The following ST6GALNAC3 variants were observed in gnomAD, a reference collection of about 807,000 sequenced individuals.
ST6GALNAC3 encodes the protein ST6 N-acetylgalactosaminide alpha-2,6-sialyltransferase 3.
In ST6GALNAC3, 25 loss-of-function variants were observed where a neutral mutation model predicts 32.7. The observed-to-expected ratio is 0.76, with a 90% CI of 0.56 to 1.07. The LOEUF is 1.07. Ranked by LOEUF, ST6GALNAC3 falls within the 50% of genes least tolerant of loss-of-function variation. The probability of loss-of-function intolerance (pLI) is 0.00; values close to 1 mark genes in which losing one functional copy is unlikely to be tolerated. For synonymous variants in ST6GALNAC3, 129 were observed against 133.1 expected, an observed-to-expected ratio of 0.97 and a Z score of 0.21; for missense variants, 355 against 382.4, an observed-to-expected ratio of 0.93 and a Z score of 0.60.
intron 1 of ST6GALNAC3, among the ~76,000 whole-genome samples, chr1:76,223,363 A>G (rs569660781): frequency 1.4e-4 from 22 of 152,134 alleles, no homozygotes; most frequent in Non-Finnish European, 2.9e-4. Context: ...ATAAACGCGA[A>G]CACAAAGAGA....
At chr1:76,166,809 TTG>T (rs1333618302) in intron 1 of ST6GALNAC3, among the ~76,000 whole-genome samples, 2 of 152,162 alleles carry the variant, frequency 1.3e-5, no homozygotes, top group Non-Finnish European at 2.9e-5. Flanking sequence ...GGCTTCACTG[TTG>T]TTGATGTACA....
At chr1:76,561,195 G>A (rs1665221535) in intron 3 of ST6GALNAC3, among the ~76,000 whole-genome samples, 1 of 152,158 alleles carries the variant, frequency 6.6e-6, no homozygotes, top group South Asian at 2.1e-4. Context: ...ATGGTTACCA[G>A]AGGCTAGGAA....
intron 1 of ST6GALNAC3, among the ~76,000 whole-genome samples, chr1:76,216,657 C>T (rs1201175021): frequency 6.6e-6 from 1 of 152,194 alleles, no homozygotes; most frequent in African/African-American, 2.4e-5. Context: ...CTTCTAAAAA[C>T]AAAACTTTAT....
rs1314132229 is a variant in ST6GALNAC3, at chr1:76,384,981, G to A, written c.214-27027G>A. On this transcript the variant is annotated intron_variant, in intron 2 of 4. Coordinates refer to ENST00000328299, the MANE Select transcript of ST6GALNAC3 (RefSeq NM_152996.4). ...ATGAATCTTGCAGATACAATGGTAA[G>A]CAAACAAAGCCAGATGCAGAGAATG... is the stretch of plus-strand genomic sequence containing the variant. Among the ~76,000 whole-genome samples the A allele has an allele frequency of 2.0e-5, 3 of 152,078 alleles. No individual in the cohort carries two copies. In the East Asian group the frequency reaches 5.8e-4, roughly 29 times the overall value.
intron 3 of ST6GALNAC3, among the ~76,000 whole-genome samples, chr1:76,472,931 G>A (rs11162157): frequency 0.17 from 25,267 of 151,954 alleles, 2,284 homozygotes; most frequent in African/African-American, 0.23. Flanking sequence ...ACAAATGGGG[G>A]AAGAAGGATT....
intron 1 of ST6GALNAC3, among the ~76,000 whole-genome samples, chr1:76,112,175 T>A (rs1648033658): frequency 7.5e-6 from 1 of 132,482 alleles, no homozygotes; most frequent in Non-Finnish European, 1.6e-5. Context: ...GGCTCCTCTC[T>A]TCCCAGTAGG....
chr1:76,487,143 C>G (rs956202485), intron 3 of ST6GALNAC3, among the ~76,000 whole-genome samples: 5 of 152,224 alleles, frequency 3.3e-5, no homozygotes, highest in Non-Finnish European at 7.3e-5. Flanking sequence ...ACCTTTCTCT[C>G]TGGCTGCCCT....
intron 3 of ST6GALNAC3, among the ~76,000 whole-genome samples, chr1:76,585,199 A>G (rs1335975898): frequency 6.6e-6 from 1 of 152,116 alleles, no homozygotes; most frequent in Non-Finnish European, 1.5e-5. Context: ...ATCCTGGCCA[A>G]CATGGTGAAA....
intron 3 of ST6GALNAC3, among the ~76,000 whole-genome samples, chr1:76,423,743 T>A (rs1029879049): frequency 2.0e-5 from 3 of 151,996 alleles, no homozygotes; most frequent in Non-Finnish European, 4.4e-5. Flanking sequence ...CTGACGTGAA[T>A]AGGTTGTTTA....
chr1:76,282,011 A>C (rs1046780160), intron 1 of ST6GALNAC3, among the ~76,000 whole-genome samples: 2 of 152,212 alleles, frequency 1.3e-5, no homozygotes, highest in African/African-American at 4.8e-5. Flanking sequence ...GGTGGGATGC[A>C]TGAAAAATAG....
intron 3 of ST6GALNAC3, among the ~76,000 whole-genome samples, chr1:76,521,841 G>C (rs968030344): frequency 1.3e-5 from 2 of 152,140 alleles, no homozygotes; most frequent in Non-Finnish European, 2.9e-5. Context: ...GGCCGAGGCA[G>C]GTGGATTGCC....
chr1:76,504,766 T>C (rs984372461), intron 3 of ST6GALNAC3, among the ~76,000 whole-genome samples: 2 of 152,190 alleles, frequency 1.3e-5, no homozygotes, highest in African/African-American at 4.8e-5. Flanking sequence ...ATTTATATGA[T>C]TTGCTATTTG....
rs192866336 is a variant in ST6GALNAC3 at position 76,388,543 on chromosome 1, G to A, written c.214-23465G>A. 1.1e-3 allele frequency among the ~76,000 whole-genome samples: 161 copies of A among 152,312 alleles called. 1 individual carries two copies. The East Asian group carries it at 0.025, about 24-fold the overall frequency. ...CACAGTACTGGCAATGTTGCAGCCA[G>A]AGGTATAGTTGTTACTATGGAAAGG... On this transcript the variant is annotated intron_variant, in intron 2 of 4. Coordinates refer to ENST00000328299, the MANE Select transcript of ST6GALNAC3 (RefSeq NM_152996.4).
At chr1:76,169,399 C>T (rs192166432) in intron 1 of ST6GALNAC3, among the ~76,000 whole-genome samples, 13 of 152,184 alleles carry the variant, frequency 8.5e-5, no homozygotes, top group African/African-American at 2.9e-4. Context: ...TTCATTTCAA[C>T]CTTGGAGAAT....
chr1:76,626,932 A>G (rs574599129), intron 3 of ST6GALNAC3, among the ~76,000 whole-genome samples: 1 of 152,064 alleles, frequency 6.6e-6, no homozygotes, highest in Admixed American at 6.6e-5. Context: ...GAAAGCAGTT[A>G]AGAAATCTTT....
At chr1:76,233,898 A>T (rs1342267843) in intron 1 of ST6GALNAC3, among the ~76,000 whole-genome samples, 1 of 152,178 alleles carries the variant, frequency 6.6e-6, no homozygotes, top group Non-Finnish European at 1.5e-5. Context: ...ACAGATACAC[A>T]GTATATCTGT....
Position 76,246,534 on chromosome 1 carries a change from G to A in ST6GALNAC3, c.19-67271G>A, listed in dbSNP as rs1570567698. 2.0e-5 allele frequency among the ~76,000 whole-genome samples: 3 copies of A among 152,136 alleles called. No homozygotes were observed. In the South Asian group the frequency reaches 6.2e-4, roughly 32 times the overall value. On this transcript the variant is annotated intron_variant, in intron 1 of 4. Coordinates refer to ENST00000328299, the MANE Select transcript of ST6GALNAC3 (RefSeq NM_152996.4). ...GGTTTTTATATTTTGATGTATTTTT[G>A]CAATGGCTGGTACCGATTTTTCCTT...
At chr1:76,375,765 G>T (rs1651173136) in intron 2 of ST6GALNAC3, among the ~76,000 whole-genome samples, 1 of 152,166 alleles carries the variant, frequency 6.6e-6, no homozygotes, top group Admixed American at 6.5e-5. Context: ...TGAGAAGAAA[G>T]GATTGATTAA....
chr1:76,278,308 G>A (rs1000368637), intron 1 of ST6GALNAC3, among the ~76,000 whole-genome samples: 5 of 147,018 alleles, frequency 3.4e-5, no homozygotes, highest in South Asian at 2.1e-4. Flanking sequence ...TGCAAGCTCC[G>A]CCTCCCGGGT....
Sources: allele counts gnomAD v4.1 joint callset (sites outside exome capture counted in the v4.1 genomes callset), GRCh38; gene constraint gnomAD v4.1.1; transcripts MANE v1.5; gene names NCBI Gene and HGNC (gene_info 2026-07-23, HGNC 2026-07-21).